Variants in CD163L1 observed in about 807,000 individuals in gnomAD.
CD163L1 encodes the protein CD163 molecule like 1.
In CD163L1, 124 loss-of-function variants were observed where a neutral mutation model predicts 165.4. The ratio of observed to expected loss-of-function variants is 0.75; its 90% CI spans 0.65 to 0.87. CD163L1 has a LOEUF of 0.87. Ranked by LOEUF, CD163L1 falls within the 40% of genes least tolerant of loss-of-function variation. The pLI is 0.00. For missense variants in CD163L1, 1,525 were observed against 1,799.9 expected, an observed-to-expected ratio of 0.85 and a Z score of 2.76; for synonymous variants, 585 against 662.2, an observed-to-expected ratio of 0.88 and a Z score of 1.79.
intron 10 of CD163L1, 41 bp from the exon 11 acceptor site, chr12:7,375,636 TCAGCTCCA>T: frequency 6.2e-7 from 1 of 1,610,370 alleles, no homozygotes; most frequent in Non-Finnish European, 8.5e-7. Context: ...TCATGACTTA[TCAGCTCCA>T]GCCCCAAACT....
At chr12:7,434,838 T>A (rs1170440783) in intron 2 of CD163L1, among the ~76,000 whole-genome samples, 1 of 152,160 alleles carries the variant, frequency 6.6e-6, no homozygotes, top group African/African-American at 2.4e-5. Context: ...AACAATATTC[T>A]TTCTGAAAGT....
At chr12:7,381,004 A>G (rs981065580) in intron 8 of CD163L1, among the ~76,000 whole-genome samples, 3 of 152,150 alleles carry the variant, frequency 2.0e-5, no homozygotes, top group African/African-American at 7.2e-5. Context: ...CTAATTTGAG[A>G]ATATATCTAA....
At chr12:7,409,861 G>T (rs765243613) in intron 4 of CD163L1, among the ~76,000 whole-genome samples, 2 of 152,026 alleles carry the variant, frequency 1.3e-5, no homozygotes, top group African/African-American at 2.4e-5. Flanking sequence ...CATGAATTGT[G>T]CATCTTACTC....
At chr12:7,330,314 C>A in the CD163L1 span, among the ~76,000 whole-genome samples, 1 of 152,170 alleles carries the variant, frequency 6.6e-6, no homozygotes, top group Non-Finnish European at 1.5e-5. Context: ...AACATTTTTA[C>A]TACTTTTCAA....
At position 7,406,801 on chromosome 12, in the gene CD163L1, C is replaced by T. The variant is rs80190863; in HGVS notation, c.818G>A (p.Gly273Glu). 29 of 1,614,060 alleles carry T rather than the reference C, an allele frequency of 1.8e-5. No individual in the cohort carries two copies. In the East Asian group the frequency reaches 3.1e-4, roughly 17 times the overall value. Reference sequence around the variant, plus strand: ...TCCTTGGATTTTCAGCTCTACTCTCCCCATACAGCGGTTAGTTCCACCTAC... The same window carrying T: ...TCCTTGGATTTTCAGCTCTACTCTCTCCATACAGCGGTTAGTTCCACCTAC... ...RLVGGTNRCM[G>E]RVELKIQGRW... Residue 273 changes from glycine to glutamate, a missense_variant, in exon 5 of 20, where the codon GGG (glycine) becomes GAG (glutamate). Physicochemically the swap from Gly to Glu is moderately conservative, Grantham distance 98. Transcript: ENST00000313599.
At chr12:7,370,433 C>CCT (rs2136414953) in intron 14 of CD163L1, among the ~76,000 whole-genome samples, 1 of 152,242 alleles carries the variant, frequency 6.6e-6, no homozygotes, top group African/African-American at 2.4e-5. Context: ...CTCTGCCTTA[C>CCT]CTCTGCCCAC....
intron 18 of CD163L1, among the ~76,000 whole-genome samples, chr12:7,362,726 T>C (rs748281446): frequency 6.8e-6 from 1 of 147,442 alleles, no homozygotes; most frequent in Admixed American, 6.8e-5. Context: ...TATAATAATA[T>C]ATAACATAAT....
At chr12:7,434,644 A>G (rs1948690825) in intron 2 of CD163L1, among the ~76,000 whole-genome samples, 1 of 152,026 alleles carries the variant, frequency 6.6e-6, no homozygotes, top group South Asian at 2.1e-4. Flanking sequence ...AAAGAGAAGC[A>G]ATAAGGAGGA....
intron 8 of CD163L1, among the ~76,000 whole-genome samples, chr12:7,380,327 A>ATGTATACACGTATACATACATGTATGTG (rs1565784137): frequency 1.5e-4 from 7 of 47,232 alleles, no homozygotes; most frequent in East Asian, 4.5e-4. Context: ...ACATATATGT[A>ATGTATACACGTATACATACATGTATGTG]TGTATACACG....
chr12:7,373,326 A>G lies in CD163L1; in HGVS notation c.3724T>C (p.Cys1242Arg). ...TGTTTAGAAAGATACCCACCTTCAC[A>G]TGTGATCCAGGTCTCTTCTGCTGGG... ...SSPAEETWIT[C>R]EDRIRVRGGD... is the part of the protein sequence containing the mutation. Residue 1242 changes from cysteine (C) to arginine (R), a missense_variant, in exon 14 of 20, where the codon TGT becomes CGT. Coordinates refer to ENST00000313599, the MANE Select transcript of CD163L1 (RefSeq NM_174941.6). The G allele has an allele frequency of 2.5e-6, 4 of 1,604,562 alleles. No homozygotes were observed. The highest frequency in any genetic ancestry group is 3.4e-6 in the Non-Finnish European group (4 of 1,173,564).
At chr12:7,340,045 G>A in the CD163L1 span, among the ~76,000 whole-genome samples, 2 of 152,180 alleles carry the variant, frequency 1.3e-5, no homozygotes, top group Middle Eastern at 3.4e-3. Context: ...CTCCAGTCAA[G>A]GTCAGCTCTA....
chr12:7,423,023 T>C (rs1948468298), intron 4 of CD163L1, among the ~76,000 whole-genome samples: 1 of 151,972 alleles, frequency 6.6e-6, no homozygotes, highest in Admixed American at 6.6e-5. Context: ...CAACAGAATA[T>C]ACATTTTTCT....
Position 7,433,405 on chromosome 12 carries a change from A to G in CD163L1, c.414T>C (p.Tyr138=), listed in dbSNP as rs765138958. 5.0e-6 allele frequency: 8 copies of G among 1,603,850 alleles called. No homozygotes were observed. The African/African-American group carries it at 5.3e-5, about 11-fold the overall frequency. The stretch of plus-strand genomic sequence containing the variant: ...AGTTCACACCAACATCTTCTCCATG[A>G]TAACAGTTATGGCTTCCCCATTCCC... ...QHREWGSHNC[Y]HGEDVGVNCY... is the part of the protein sequence containing the mutation. The change falls in exon 3 of 20, where the codon TAT becomes TAC. Residue 138 remains tyrosine, a synonymous_variant. Transcript: ENST00000313599.
intron 18 of CD163L1, among the ~76,000 whole-genome samples, chr12:7,363,882 T>C (rs750366724): frequency 6.6e-6 from 1 of 152,028 alleles, no homozygotes; most frequent in Admixed American, 6.6e-5. Context: ...TAATGCTAAT[T>C]TTATTCAAAC....
rs1947066871 is a variant in CD163L1 at position 7,368,406 on chromosome 12, T to G, written c.4073-209A>C. 6.6e-6 allele frequency among the ~76,000 whole-genome samples: 1 copy of G among 152,230 alleles called. No homozygotes were observed. Among genetic ancestry groups the G allele is most frequent in the South Asian group, 2.1e-4 (1 of 4,834 alleles). On this transcript the variant is annotated intron_variant, in intron 16 of 19. Transcript: ENST00000313599. This position sits in a 1 kb window ranked among gnomAD's most constrained non-coding sequence, Gnocchi z 4.3. ...AATCCAAATCTTTCCATAATTCTAT[T>G]GCCCTAAATTACTTCCAATTTTATA...
rs1947058552 is a variant in CD163L1, at chr12:7,368,050, T to C, written c.4183+37A>G. The C allele has an allele frequency of 1.7e-6, 2 of 1,203,020 alleles. No individual in the cohort carries two copies. The highest frequency in any genetic ancestry group is 2.5e-6 in the Non-Finnish European group (2 of 809,452). The allele number at this position is 1,203,020 out of a possible 1,614,324, so 74.5% of individuals were successfully genotyped here. Reference sequence around the variant, plus strand: ...CATCCTGTGTGCCCTTGGTGGCAGGTAACTCACATTTTATACAATCCTAGT... The same window carrying C: ...CATCCTGTGTGCCCTTGGTGGCAGGCAACTCACATTTTATACAATCCTAGT... On this transcript the variant is annotated intron_variant, in intron 17 of 19. Transcript: ENST00000313599. This position sits in a 1 kb window ranked among gnomAD's most constrained non-coding sequence, Gnocchi z 4.3.
rs750260338 is a variant in CD163L1 at position 7,403,320 on chromosome 12, G to C, written c.1408+215C>G. Among the ~76,000 whole-genome samples the C allele has an allele frequency of 2.0e-4, 30 of 152,306 alleles. No individual in the cohort carries two copies. In the South Asian group the frequency reaches 5.8e-3, roughly 29 times the overall value. On this transcript the variant is annotated intron_variant, in intron 6 of 19. Transcript: ENST00000313599. ...GAGATACAGATTATACTCATGCAGT[G>C]GTAGCAGCTGCATCTGATTTCAGGG...
rs1591935509 is a variant in CD163L1 at position 7,406,864 on chromosome 12, A to T, written c.767-12T>A. On this transcript the variant is annotated splice_polypyrimidine_tract_variant and intron_variant, in intron 4 of 19. Transcript: ENST00000313599. Reference sequence around the variant, plus strand: ...AAGATCACTACTATCTGAAACAGAGATATAAACACAAAGCCCAGGTGAAGT... The same window carrying T: ...AAGATCACTACTATCTGAAACAGAGTTATAAACACAAAGCCCAGGTGAAGT... The T allele has an allele frequency of 4.4e-6, 7 of 1,609,144 alleles. No individual in the cohort carries two copies. Among genetic ancestry groups the T allele is most frequent in the Non-Finnish European group, 5.9e-6 (7 of 1,178,562 alleles).
Position 7,367,663 on chromosome 12 carries a change from G to A in CD163L1, c.4184-332C>T, listed in dbSNP as rs747412452. ...TTTACAAATTAGGAAATTGGAGTTT[G>A]GAAAGGTAGTTTCTAGCCAAAGGCC... On this transcript the variant is annotated intron_variant, in intron 17 of 19. Transcript: ENST00000313599. 2.6e-4 allele frequency: 57 copies of A among 222,950 alleles called. No individual in the cohort carries two copies. The Middle Eastern group carries it at 6.7e-3, about 26-fold the overall frequency. The allele number at this position is 222,950 out of a possible 1,614,324, so 13.8% of individuals were successfully genotyped here.
Sources: allele counts gnomAD v4.1 joint callset (sites outside exome capture counted in the v4.1 genomes callset), GRCh38; gene constraint gnomAD v4.1.1; non-coding constraint Gnocchi (gnomAD v3.1); transcripts MANE v1.5; gene names NCBI Gene and HGNC (gene_info 2026-07-23, HGNC 2026-07-21).